Variants in MED23 observed in about 807,000 individuals in gnomAD.
MED23 encodes the protein mediator complex subunit 23.
Under a neutral mutation model 163.9 loss-of-function variants are expected in MED23, and 105 were observed. The observed-to-expected ratio is 0.64, with a 90% CI of 0.55 to 0.75. The LOEUF is 0.75. MED23 is among the 30% of genes least tolerant of loss of function. The pLI, the probability that MED23 is intolerant of heterozygous loss-of-function variation, is 0.00. For synonymous variants in MED23, 561 were observed against 565.6 expected (o/e 0.99, Z 0.12); for missense variants, 1,054 against 1,649.0 (o/e 0.64, Z 6.25).
chr6:131,621,002 C>T (rs1342412898), intron 6 of MED23, among the ~76,000 whole-genome samples: 1 of 152,062 alleles, frequency 6.6e-6, no homozygotes, highest in Admixed American at 6.5e-5. Context: ...AGGGTCTCCC[C>T]AGGATGTCCT....
chr6:131,609,911 T>A, intron 11 of MED23, 135 bp downstream of exon 11: 2 of 797,202 alleles, frequency 2.5e-6, no homozygotes, highest in Non-Finnish European at 4.1e-6. Flanking sequence ...TAAGAAACTA[T>A]AAAAGCACTA....
At chr6:131,610,939 A>C (rs1231879952) in intron 10 of MED23, among the ~76,000 whole-genome samples, 1 of 152,220 alleles carries the variant, frequency 6.6e-6, no homozygotes, top group Non-Finnish European at 1.5e-5. Context: ...AAGAAAAAGA[A>C]TTGAGTTTAA....
In MED23 at chr6:131,627,459, A is replaced by G. The variant is rs146536905; in HGVS notation, c.96T>C (p.Asp32=). Residue 32 remains aspartate, a synonymous_variant, in exon 3 of 29, where the codon GAT becomes GAC. Coordinates refer to ENST00000368068, the MANE Select transcript of MED23 (RefSeq NM_004830.4). The part of the protein sequence containing the change: ...FPGMFMDTPE[D]EKTKLISCLG... ...AACAGCTAATTAGTTTTGTTTTCTCATCTTCAGGAGTATCCATAAACATGC... is the reference window on the plus strand; with the variant it reads ...AACAGCTAATTAGTTTTGTTTTCTCGTCTTCAGGAGTATCCATAAACATGC... The G allele has an allele frequency of 4.8e-5, 77 of 1,613,828 alleles. No homozygotes were observed. In the African/African-American group the frequency reaches 9.6e-4, roughly 20 times the overall value.
intron 27 of MED23, among the ~76,000 whole-genome samples, chr6:131,589,875 C>T (rs1774465650): frequency 6.6e-6 from 1 of 152,182 alleles, no homozygotes; most frequent in African/African-American, 2.4e-5. Context: ...AATCCCCTTT[C>T]TAGACACCAT....
At chr6:131,602,933 A>G in intron 16 of MED23, 97 bp downstream of exon 16, 1 of 1,307,166 alleles carries the variant, frequency 7.7e-7, no homozygotes, top group South Asian at 1.3e-5. Context: ...ATAATAATAA[A>G]AAAAAAAACT....
At chr6:131,624,734 T>G in intron 4 of MED23, 131 bp downstream of exon 4, 1 of 973,190 alleles carries the variant, frequency 1.0e-6, no homozygotes. Context: ...TGAGGTATTA[T>G]ATAAAGGATT....
chr6:131,625,136 C>A (rs1349713104), intron 3 of MED23, 147 bp from the exon 4 acceptor site: 5 of 919,062 alleles, frequency 5.4e-6, no homozygotes, highest in Non-Finnish European at 8.1e-6. Context: ...TTAAAAAAAG[C>A]AAAATTAAAA....
downstream of MED23, among the ~76,000 whole-genome samples, chr6:131,582,200 G>A (rs1177571433): frequency 6.6e-6 from 1 of 152,162 alleles, no homozygotes; most frequent in Non-Finnish European, 1.5e-5. Context: ...AAACGTCCTG[G>A]AGGACAAAGC....
chr6:131,606,342 T>C (rs1775853877), intron 13 of MED23, 137 bp downstream of exon 13: 1 of 790,038 alleles, frequency 1.3e-6, no homozygotes, highest in Non-Finnish European at 2.1e-6. Flanking sequence ...CTATGACATA[T>C]ACATCAAGTA....
intron 7 of MED23, 107 bp downstream of exon 7, chr6:131,620,521 G>A (rs1285653913): frequency 1.3e-6 from 1 of 762,386 alleles, no homozygotes; most frequent in African/African-American, 1.7e-5. Flanking sequence ...GTTGGGTCTT[G>A]AACTCTTGTC....
At chr6:131,583,453 GAGA>G (rs1554251236), downstream of MED23, 17 of 1,614,154 alleles carry the variant, frequency 1.1e-5, no homozygotes, top group Non-Finnish European at 1.4e-5. Context: ...CTGACATACA[GAGA>G]AGGTCTCTAC....
chr6:131,574,768 G>A (rs191325074), intron 30 of MED23, among the ~76,000 whole-genome samples: 3 of 152,258 alleles, frequency 2.0e-5, no homozygotes, highest in Admixed American at 1.3e-4. Context: ...CTTCATCCCT[G>A]TCTCACCTCC....
At chr6:131,626,099 G>A (rs1209606297) in intron 3 of MED23, among the ~76,000 whole-genome samples, 1 of 144,096 alleles carries the variant, frequency 6.9e-6, no homozygotes, top group Non-Finnish European at 1.5e-5. Context: ...TCTAGCCTGG[G>A]CGACAGAGTG....
At chr6:131,590,523 T>C (rs1020273914) in intron 26 of MED23, 81 bp from the exon 27 acceptor site, 1 of 909,470 alleles carries the variant, frequency 1.1e-6, no homozygotes, top group Non-Finnish European at 1.7e-6. Flanking sequence ...ATATACAAAG[T>C]ATTACAATAA....
chr6:131,583,152 A>G (rs1205047507), downstream of MED23: 1 of 1,613,510 alleles, frequency 6.2e-7, no homozygotes. Context: ...ACACTCAGCT[A>G]TCTACTAGGA....
downstream of MED23, among the ~76,000 whole-genome samples, chr6:131,585,084 C>T (rs1774131943): frequency 6.6e-6 from 1 of 151,412 alleles, no homozygotes; most frequent in Non-Finnish European, 1.5e-5. Flanking sequence ...ATAATAATTA[C>T]TAATTCAGCT....
At chr6:131,603,235 T>C in intron 15 of MED23, 31 bp from the exon 16 acceptor site, 2 of 1,603,952 alleles carry the variant, frequency 1.2e-6, no homozygotes, top group South Asian at 1.1e-5. Context: ...AAGGTACCAA[T>C]TATTAAAGGC....
intron 30 of MED23, chr6:131,579,111 A>G (rs1299429729): frequency 6.2e-7 from 1 of 1,614,028 alleles, no homozygotes; most frequent in African/African-American, 1.3e-5. Context: ...TTAATTTTAG[A>G]GTGTGATGTG....
intron 30 of MED23, chr6:131,579,411 C>A: frequency 8.7e-7 from 1 of 1,146,440 alleles, no homozygotes; most frequent in Non-Finnish European, 1.2e-6. Context: ...AAATTTTCTG[C>A]CTTTAAAAAA....
Sources: gnomAD v4.1 joint callset for allele counts (sites outside exome capture counted in the v4.1 genomes callset) on GRCh38, gnomAD v4.1.1 for gene constraint, MANE v1.5 for transcripts, NCBI Gene and HGNC (gene_info 2026-07-23, HGNC 2026-07-21) for gene names.